RBBP9: variants seen among roughly 807,000 people sequenced by gnomAD.
The protein encoded by RBBP9 is serine hydrolase RBBP9.
RBBP9 carries 20 observed loss-of-function variants against 24.2 expected under a neutral mutation model. The ratio of observed to expected loss-of-function variants is 0.83; its 90% CI spans 0.58 to 1.20. The LOEUF is 1.20. Ranked by LOEUF, RBBP9 falls within the 50% of genes most tolerant of loss-of-function variation. RBBP9 has a pLI of 0.00. For synonymous variants in RBBP9, 74 were observed against 84.6 expected (o/e 0.87, Z 0.69); for missense variants, 234 against 233.6 (o/e 1.00, Z -0.01).
rs1473818514 is a variant in RBBP9 at position 18,493,280 on chromosome 20, A to G, written c.248+678T>C. 4.6e-5 allele frequency among the ~76,000 whole-genome samples: 7 copies of G among 152,162 alleles called. No homozygotes were observed. In the East Asian group the frequency reaches 1.3e-3, roughly 29 times the overall value. On this transcript the variant is annotated intron_variant, in intron 3 of 4. Transcript: ENST00000337227. ...GACTGGGGATTCGCAGGTGAGTAAC[A>G]CTGCAGACACAATCTACCATATGCC...
At chr20:18,496,285 G>C (rs2059886557) in intron 1 of RBBP9, among the ~76,000 whole-genome samples, 1 of 152,148 alleles carries the variant, frequency 6.6e-6, no homozygotes, top group Non-Finnish European at 1.5e-5. Context: ...CTGACCTTTG[G>C]GGTTGTAACT....
intron 2 of RBBP9, among the ~76,000 whole-genome samples, chr20:18,494,992 T>TA (rs1343415840): frequency 2.6e-5 from 4 of 152,302 alleles, no homozygotes; most frequent in African/African-American, 9.6e-5. Context: ...TTCTATGGCT[T>TA]ACCCCATCCG....
Position 18,489,942 on chromosome 20 carries a change from G to A in RBBP9, c.383C>T (p.Pro128Leu). ...AGTAGAGCCAAACTGCACAATGTAA[G>A]GGCAGTTGGCCTTGATCTTCTCCCA... ...WQWEKIKANC[P>L]YIVQFGSTDD... The change falls in exon 5 of 5, where the codon CCT (proline) becomes CTT (leucine). Residue 128 changes from proline to leucine, a missense_variant. Pro to Leu is a moderately conservative substitution (Grantham distance 98). Transcript: ENST00000337227. The A allele has an allele frequency of 6.2e-7, 1 of 1,611,096 alleles. No individual in the cohort carries two copies. The highest frequency in any genetic ancestry group is 2.2e-5 in the East Asian group (1 of 44,752).
chr20:18,490,073 A>G (rs978308707), intron 4 of RBBP9, 83 bp from the exon 5 acceptor site: 46 of 974,898 alleles, frequency 4.7e-5, no homozygotes, highest in Non-Finnish European at 6.5e-5. Flanking sequence ...GGCGACCCAC[A>G]TAGAGACGCA....
At chr20:18,494,806 A>G (rs1384581232) in intron 2 of RBBP9, among the ~76,000 whole-genome samples, 1 of 152,254 alleles carries the variant, frequency 6.6e-6, no homozygotes, top group Non-Finnish European at 1.5e-5. Flanking sequence ...TGACATTTTT[A>G]AACATTAGGA....
Position 18,489,603 on chromosome 20 carries a change from A to T in RBBP9, c.*161T>A. The T allele has an allele frequency of 1.7e-6, 1 of 578,138 alleles. No individual in the cohort carries two copies. The highest frequency in any genetic ancestry group is 2.8e-5 in the East Asian group (1 of 35,332). 35.8% of individuals were successfully genotyped at this position (578,138 alleles called of 1,614,324 possible). A position where few individuals can be genotyped will look rare whatever the true frequency, so the allele number is the denominator to read the frequency against. Reference sequence around the variant, plus strand: ...TGGGGAGTTTTAGAGTCTATGGAAAATGGAAGTGCTATTTGTAACTTAGAT... The same window carrying T: ...TGGGGAGTTTTAGAGTCTATGGAAATTGGAAGTGCTATTTGTAACTTAGAT... On this transcript the variant is annotated 3_prime_UTR_variant, in exon 5 of 5. Transcript: ENST00000337227.
At position 18,497,220 on chromosome 20, in the gene RBBP9, G is replaced by T; in HGVS notation, c.-53C>A. 1.3e-5 allele frequency: 19 copies of T among 1,448,138 alleles called. No individual in the cohort carries two copies. The highest frequency in any genetic ancestry group is 2.4e-5 in the East Asian group (1 of 42,546). 89.7% of individuals were successfully genotyped at this position (1,448,138 alleles called of 1,614,324 possible). ...CGCGGGTCCAGCGGAGCTGAGCCCA[G>T]CCTGCTCCCGCAGGGAGCCTGCGCC... On this transcript the variant is annotated 5_prime_UTR_variant, in exon 1 of 5. In the 5' UTR this introduces an upstream ATG that the reference lacks. Coordinates refer to ENST00000337227, the MANE Select transcript of RBBP9 (RefSeq NM_006606.3).
At position 18,489,611 on chromosome 20, in the gene RBBP9, G is replaced by C. The variant is rs2059856484; in HGVS notation, c.*153C>G. The stretch of plus-strand genomic sequence containing the variant: ...TTTAGAGTCTATGGAAAATGGAAGT[G>C]CTATTTGTAACTTAGATTGAATGTT... On this transcript the variant is annotated 3_prime_UTR_variant, in exon 5 of 5. Transcript: ENST00000337227. The C allele has an allele frequency of 1.7e-6, 1 of 586,434 alleles. No homozygotes were observed. Among genetic ancestry groups the C allele is most frequent in the African/African-American group, 1.9e-5 (1 of 53,740 alleles). 36.3% of individuals were successfully genotyped at this position (586,434 alleles called of 1,614,324 possible). A position where few individuals can be genotyped will look rare whatever the true frequency, so the allele number is the denominator to read the frequency against.
chr20:18,493,872 C>T, intron 3 of RBBP9, 86 bp downstream of exon 3: 1 of 1,055,620 alleles, frequency 9.5e-7, no homozygotes, highest in Non-Finnish European at 1.4e-6. Context: ...TCCTCTGCAA[C>T]AGAAATTTAA....
intron 3 of RBBP9, 31 bp downstream of exon 3, chr20:18,493,927 A>C (rs1234232120): frequency 3.9e-6 from 6 of 1,526,898 alleles, no homozygotes; most frequent in Non-Finnish European, 5.4e-6. Flanking sequence ...TGGAGCCCAC[A>C]AAGGGGATAG....
Position 18,495,886 on chromosome 20 carries a change from A to G in RBBP9, c.100-6T>C. The stretch of plus-strand genomic sequence containing the variant: ...AAACACTGGAAACCAGGTATCTATG[A>G]TATGAGGGGGGAGAAAAAGCTATAA... On this transcript the variant is annotated splice_polypyrimidine_tract_variant and splice_region_variant and intron_variant, in intron 1 of 4. Transcript: ENST00000337227. 6.5e-7 allele frequency: 1 copy of G among 1,539,724 alleles called. No homozygotes were observed. Among genetic ancestry groups the G allele is most frequent in the Non-Finnish European group, 8.9e-7 (1 of 1,127,212 alleles).
At position 18,488,286 on chromosome 20, in the gene RBBP9, GAGAC is replaced by G. The variant is rs772755991; in HGVS notation, c.*1474_*1477del. 2.6e-5 allele frequency: 4 copies of G among 151,472 alleles called. No individual in the cohort carries two copies. Among genetic ancestry groups the G allele is most frequent in the Non-Finnish European group, 5.9e-5 (4 of 67,944 alleles). The allele number at this position is 151,472 out of a possible 1,614,324, so 9.4% of individuals were successfully genotyped here. On this transcript the variant is annotated 3_prime_UTR_variant, in exon 5 of 5. Transcript: ENST00000337227. ...ATTAAAAAAAAATTTTTTTTTTTAA[GAGAC>G]AGGTTCTTCGCTCCATCACCCAGGA...
In RBBP9 at chr20:18,490,930, C is replaced by T. The variant is rs56975951; in HGVS notation, c.249-450G>A. On this transcript the variant is annotated intron_variant, in intron 3 of 4. Transcript: ENST00000337227. ...CTGACCTCAAATAATCCACTCACCC[C>T]GGCCTCCTAAAGTGCTGGGATTACA... Among the ~76,000 whole-genome samples, 391 of 152,094 alleles carry T rather than the reference C, an allele frequency of 2.6e-3. 7 individuals carry two copies. The highest frequency in any genetic ancestry group is 0.021 in the Admixed American group (325 of 15,290).
At position 18,497,144 on chromosome 20, in the gene RBBP9, C is replaced by T; in HGVS notation, c.24G>A (p.Val8=). MASPSKA[V]IVPGNGGGDV... ...CCCCGCCTCCGTTCCCGGGAACAATCACTGCCTTGCTAGGAGAAGCCATGA... is the reference window on the plus strand; with the variant it reads ...CCCCGCCTCCGTTCCCGGGAACAATTACTGCCTTGCTAGGAGAAGCCATGA... Residue 8 remains valine (V), a synonymous_variant, in exon 1 of 5, where the codon GTG becomes GTA. Coordinates refer to ENST00000337227, the MANE Select transcript of RBBP9 (RefSeq NM_006606.3). 1 of 1,614,168 alleles carries T rather than the reference C, an allele frequency of 6.2e-7. No individual in the cohort carries two copies. The highest frequency in any genetic ancestry group is 8.5e-7 in the Non-Finnish European group (1 of 1,179,980).
At chr20:18,496,069 T>C (rs1057302571) in intron 1 of RBBP9, among the ~76,000 whole-genome samples, 189 bp from the exon 2 acceptor site, 6 of 152,274 alleles carry the variant, frequency 3.9e-5, no homozygotes, top group African/African-American at 1.4e-4. Context: ...TAGGCAGCTC[T>C]GCTGATCTCT....
chr20:18,491,869 G>C (rs2059867228), intron 3 of RBBP9, among the ~76,000 whole-genome samples: 1 of 151,962 alleles, frequency 6.6e-6, no homozygotes, highest in African/African-American at 2.4e-5. Context: ...GGCCAAGGCA[G>C]GCAGATCACC....
chr20:18,489,439 A>G lies in RBBP9; in HGVS notation c.*325T>C, dbSNP rs1404275930. 1 of 197,962 alleles carries G rather than the reference A, an allele frequency of 5.1e-6. No homozygotes were observed. Among genetic ancestry groups the G allele is most frequent in the Non-Finnish European group, 1.0e-5 (1 of 97,946 alleles). 12.3% of individuals were successfully genotyped at this position (197,962 alleles called of 1,614,324 possible). ...GTGCAATACCTGCAACATACATAAAACCTATTTAATTTTACTCAGGAGTGG... is the reference window on the plus strand; with the variant it reads ...GTGCAATACCTGCAACATACATAAAGCCTATTTAATTTTACTCAGGAGTGG... On this transcript the variant is annotated 3_prime_UTR_variant, in exon 5 of 5. Coordinates refer to ENST00000337227, the MANE Select transcript of RBBP9 (RefSeq NM_006606.3).
rs1372979050 is a variant in RBBP9 at position 18,486,812 on chromosome 20, G to A, written c.*2952C>T. On this transcript the variant is annotated 3_prime_UTR_variant, in exon 5 of 5. Coordinates refer to ENST00000337227, the MANE Select transcript of RBBP9 (RefSeq NM_006606.3). Reference sequence around the variant, plus strand: ...CTCCCCAGAGTGTATAGAGGCCCCTGTATATTCAATGATGACCACAAAGAA... The same window carrying A: ...CTCCCCAGAGTGTATAGAGGCCCCTATATATTCAATGATGACCACAAAGAA... The A allele has an allele frequency of 6.6e-6, 1 of 152,126 alleles. No individual in the cohort carries two copies. The highest frequency in any genetic ancestry group is 2.4e-5 in the African/African-American group (1 of 41,412). 9.4% of individuals were successfully genotyped at this position (152,126 alleles called of 1,614,324 possible).
chr20:18,490,204 G>A (rs944893727), intron 4 of RBBP9, among the ~76,000 whole-genome samples, 191 bp downstream of exon 4: 1 of 152,136 alleles, frequency 6.6e-6, no homozygotes, highest in African/African-American at 2.4e-5. Flanking sequence ...GGCCTCTAGG[G>A]TTCAGTTCTA....
Sources: allele counts gnomAD v4.1 joint callset (sites outside exome capture counted in the v4.1 genomes callset), GRCh38; gene constraint gnomAD v4.1.1; transcripts MANE v1.5; gene names NCBI Gene and HGNC (gene_info 2026-07-23, HGNC 2026-07-21).